The following PINK1 variants were observed in gnomAD, a reference collection of about 807,000 sequenced individuals.
PINK1 encodes serine/threonine-protein kinase PINK1, mitochondrial.
In PINK1, 58 loss-of-function variants were observed where a neutral mutation model predicts 56.0. The ratio of observed to expected loss-of-function variants is 1.04; its 90% CI spans 0.84 to 1.29. PINK1 has a LOEUF of 1.29. Among genes scored for constraint, PINK1 ranks in the 50% most tolerant of loss-of-function variants. PINK1 has a pLI of 0.00. For synonymous variants in PINK1, 354 were observed against 339.3 expected (o/e 1.04, Z -0.48); for missense variants, 745 against 777.9 (o/e 0.96, Z 0.50).
rs371943401 is a variant in PINK1 at position 20,645,549 on chromosome 1, C to T, written c.960-11C>T. Reference sequence around the variant, plus strand: ...GTGTGGTAGCCAGAGGCCCTCTCCCCTCTCCGCCAGCTATCCCTGTACCCT... The same window carrying T: ...GTGTGGTAGCCAGAGGCCCTCTCCCTTCTCCGCCAGCTATCCCTGTACCCT... On this transcript the variant is annotated splice_polypyrimidine_tract_variant and intron_variant, in intron 4 of 7. Transcript: ENST00000321556. 91 of 1,613,130 alleles carry T rather than the reference C, an allele frequency of 5.6e-5. No individual in the cohort carries two copies. The Middle Eastern group carries it at 6.6e-4, about 12-fold the overall frequency.
intron 2 of PINK1, chr1:20,639,606 A>G: frequency 2.1e-6 from 1 of 477,408 alleles, no homozygotes; most frequent in South Asian, 2.1e-5. Context: ...GGCAGGAAGC[A>G]GCACCCCATA....
intron 5 of PINK1, among the ~76,000 whole-genome samples, chr1:20,646,871 T>TTTAC (rs199823580): frequency 0.31 from 40,683 of 130,830 alleles, 5,642 homozygotes; most frequent in South Asian, 0.43. Context: ...TCTTTATTTA[T>TTTAC]TTACTTATTT....
Position 20,639,925 on chromosome 1 carries a change from A to G in PINK1, c.709A>G (p.Met237Val), listed in dbSNP as rs775165635. 9.9e-6 allele frequency: 16 copies of G among 1,613,168 alleles called. No homozygotes were observed. The highest frequency in any genetic ancestry group is 3.3e-5 in the South Asian group (3 of 90,836). ...CTCCAGCGAAGCCATCTTGAACACA[A>G]TGAGCCAGGAGCTGGTCCCAGCGAG... Reference protein sequence around the residue: ...GSSSEAILNTMSQELVPASRV... With the variant: ...GSSSEAILNTVSQELVPASRV... Residue 237 changes from methionine (M) to valine (V), a missense_variant, in exon 3 of 8, where the codon ATG (methionine) becomes GTG (valine). Physicochemically the swap from Met to Val is conservative, Grantham distance 21. Transcript: ENST00000321556.
At chr1:20,646,990 G>A (rs1280649555) in intron 5 of PINK1, among the ~76,000 whole-genome samples, 4 of 149,324 alleles carry the variant, frequency 2.7e-5, no homozygotes, top group Non-Finnish European at 3.0e-5. Context: ...AGCAATTCTC[G>A]TGCCTCCGCC....
chr1:20,648,950 T>C, intron 6 of PINK1, 45 bp from the exon 7 acceptor site: 4 of 1,588,212 alleles, frequency 2.5e-6, no homozygotes, highest in Non-Finnish European at 3.5e-6. Context: ...ATGAAAAGGT[T>C]AGATGGGCGG....
intron 1 of PINK1, among the ~76,000 whole-genome samples, chr1:20,636,458 C>T (rs1048686351): frequency 5.3e-5 from 8 of 151,898 alleles, no homozygotes; most frequent in African/African-American, 1.9e-4. Context: ...TCTTCTGCCT[C>T]AGCCTCCTGA....
chr1:20,634,008 GGC>G, intron 1 of PINK1, 73 bp downstream of exon 1: 2 of 1,491,616 alleles, frequency 1.3e-6, no homozygotes, highest in Admixed American at 2.0e-5. Context: ...GCTGGGTGGG[GGC>G]GGGGCTAGGT....
intron 5 of PINK1, 40 bp downstream of exon 5, chr1:20,645,763 T>C (rs76084103): frequency 1.2e-6 from 2 of 1,613,464 alleles, no homozygotes; most frequent in African/African-American, 2.7e-5. Flanking sequence ...CCAGGGGCAC[T>C]AGAGGGTGGG....
rs998797217 is a variant in PINK1 at position 20,648,716 on chromosome 1, A to G, written c.1251+84A>G. 5.1e-6 allele frequency: 8 copies of G among 1,577,320 alleles called. No homozygotes were observed. In the African/African-American group the frequency reaches 9.4e-5, roughly 19 times the overall value. ...GCAGGAGACTCGATGCCTTGTGATA[A>G]CCCAACACCTCCATCTTTTCTGACC... is the stretch of plus-strand genomic sequence containing the variant. On this transcript the variant is annotated intron_variant, in intron 6 of 7. Transcript: ENST00000321556.
Position 20,649,169 on chromosome 1 carries a change from G to T in PINK1, c.1426G>T (p.Glu476Ter). 1 of 1,614,210 alleles carries T rather than the reference G, an allele frequency of 6.2e-7. No individual in the cohort carries two copies. Among genetic ancestry groups the T allele is most frequent in the Non-Finnish European group, 8.5e-7 (1 of 1,180,046 alleles). ...AGAGGCTCAGCTACCTGCACTGCCC[G>T]AGTCAGTGCCTCCAGACGTGAGACA... The part of the protein sequence containing the change: ...YQEAQLPALP[E>*]SVPPDVRQLV... The change falls in exon 7 of 8, where the codon GAG (glutamate) becomes TAG (stop). Residue 476 changes from glutamate (E) to a stop codon, truncating the protein, a stop_gained. Transcript: ENST00000321556. LOFTEE classifies it high-confidence loss of function.
In PINK1 at chr1:20,638,089, C is replaced by T. The variant is rs2053076441; in HGVS notation, c.635C>T (p.Pro212Leu). 3 of 1,613,774 alleles carry T rather than the reference C, an allele frequency of 1.9e-6. No homozygotes were observed. Among genetic ancestry groups the T allele is most frequent in the Non-Finnish European group, 2.5e-6 (3 of 1,180,002 alleles). Residue 212 changes from proline to leucine, a missense_variant, in exon 2 of 8, where the codon CCT (proline) becomes CTT (leucine). Physicochemically the swap from Pro to Leu is moderately conservative, Grantham distance 98. Coordinates refer to ENST00000321556, the MANE Select transcript of PINK1 (RefSeq NM_032409.3). ...GGGCAGGAGCGAGCTCCGGGGGCCC[C>T]TGCCTTCCCCTTGGCCATCAAGATG... ...GEGQERAPGAPAFPLAIKMMW... is the reference protein window; with the variant it reads ...GEGQERAPGALAFPLAIKMMW...
In PINK1 at chr1:20,639,917, T is replaced by G. The variant is rs771836537; in HGVS notation, c.701T>G (p.Leu234Trp). The G allele has an allele frequency of 1.9e-6, 3 of 1,613,166 alleles. No homozygotes were observed. The highest frequency in any genetic ancestry group is 1.7e-6 in the Non-Finnish European group (2 of 1,179,714). Residue 234 changes from leucine to tryptophan, a missense_variant, in exon 3 of 8, where the codon TTG (leucine) becomes TGG (tryptophan). By Grantham distance (61) the Leu-to-Trp change is moderately conservative (BLOSUM62 -2). Transcript: ENST00000321556. Reference sequence around the variant, plus strand: ...GCAGGTTCCTCCAGCGAAGCCATCTTGAACACAATGAGCCAGGAGCTGGTC... The same window carrying G: ...GCAGGTTCCTCCAGCGAAGCCATCTGGAACACAATGAGCCAGGAGCTGGTC... ...ISAGSSSEAI[L>W]NTMSQELVPA... is the part of the protein sequence containing the mutation.
intron 4 of PINK1, 36 bp from the exon 5 acceptor site, chr1:20,645,524 G>C (rs2053168374): frequency 6.3e-7 from 1 of 1,577,090 alleles, no homozygotes; most frequent in African/African-American, 1.4e-5. Flanking sequence ...AGTCGTCGAT[G>C]TGTGGTAGCC....
chr1:20,649,275 C>G, intron 7 of PINK1, 44 bp downstream of exon 7: 1 of 1,595,132 alleles, frequency 6.3e-7, no homozygotes, highest in Non-Finnish European at 8.6e-7. Flanking sequence ...GGGTAGAAAC[C>G]TCTGTTCTCG....
chr1:20,650,991 C>CA lies in PINK1; in HGVS notation c.*301dup. The stretch of plus-strand genomic sequence containing the variant: ...AGGCCAAGGCACTGGCTGTCAGTGG[C>CA]AGAGTTTGGCTGTGACCTTTGCCCC... On this transcript the variant is annotated 3_prime_UTR_variant, in exon 8 of 8. Coordinates refer to ENST00000321556, the MANE Select transcript of PINK1 (RefSeq NM_032409.3). 1 of 453,356 alleles carries CA rather than the reference C, an allele frequency of 2.2e-6. No homozygotes were observed. The highest frequency in any genetic ancestry group is 2.1e-5 in the South Asian group (1 of 46,882). The allele number at this position is 453,356 out of a possible 1,614,324, so 28.1% of individuals were successfully genotyped here.
At chr1:20,649,304 G>A in intron 7 of PINK1, 73 bp downstream of exon 7, 1 of 1,500,400 alleles carries the variant, frequency 6.7e-7, no homozygotes, top group Non-Finnish European at 9.3e-7. Flanking sequence ...TGAAGGTCAG[G>A]TTTGGGCCAG....
chr1:20,650,403 G>A, intron 7 of PINK1, 31 bp from the exon 8 acceptor site: 1 of 1,613,002 alleles, frequency 6.2e-7, no homozygotes, highest in South Asian at 1.1e-5. Context: ...GTTAACAGAT[G>A]TTCTAGCTAC....
At position 20,645,568 on chromosome 1, in the gene PINK1, G is replaced by A. The variant is rs373417787; in HGVS notation, c.968G>A (p.Cys323Tyr). The change falls in exon 5 of 8, where the codon TGT becomes TAT. Residue 323 changes from cysteine (C) to tyrosine (Y), a missense_variant. Coordinates refer to ENST00000321556, the MANE Select transcript of PINK1 (RefSeq NM_032409.3). ...TCTCCCCTCTCCGCCAGCTATCCCT[G>A]TACCCTGCGCCAGTACCTTTGTGTG... ...TLFLVMKNYP[C>Y]TLRQYLCVNT... 50 of 1,611,808 alleles carry A rather than the reference G, an allele frequency of 3.1e-5. No individual in the cohort carries two copies. The highest frequency in any genetic ancestry group is 2.7e-4 in the Admixed American group (16 of 59,794).
intron 7 of PINK1, 120 bp downstream of exon 7, chr1:20,649,351 AG>A: frequency 9.2e-7 from 1 of 1,082,596 alleles, no homozygotes. Context: ...AGGAAGGTAA[AG>A]GCTAGTTACA....
Sources: allele counts gnomAD v4.1 joint callset (sites outside exome capture counted in the v4.1 genomes callset), GRCh38; gene constraint gnomAD v4.1.1; transcripts MANE v1.5; gene names NCBI Gene and HGNC (gene_info 2026-07-23, HGNC 2026-07-21).